The following COL5A2 variants were observed in gnomAD, a reference collection of about 807,000 sequenced individuals.
The protein encoded by COL5A2 is collagen alpha-2(V) chain.
COL5A2 carries 23 observed loss-of-function variants against 208.2 expected under a neutral mutation model. The observed-to-expected ratio is 0.11, with a 90% confidence interval of 0.08 to 0.16. The LOEUF (loss-of-function observed/expected upper bound fraction) is 0.16, where lower values mean the gene tolerates loss of function less well. Ranked by LOEUF, COL5A2 falls within the 10% of genes least tolerant of loss-of-function variation. COL5A2 has a pLI of 1.00. For synonymous variants in COL5A2, 625 were observed against 628.5 expected, an observed-to-expected ratio of 0.99 and a Z score of 0.08; for missense variants, 1,590 against 1,956.4, an observed-to-expected ratio of 0.81 and a Z score of 3.53.
chr2:189,132,831 G>A (rs938603811), intron 1 of COL5A2, among the ~76,000 whole-genome samples: 11 of 151,826 alleles, frequency 7.2e-5, no homozygotes, highest in Non-Finnish European at 1.5e-4. Flanking sequence ...TGAGGCAGGA[G>A]AATCGCTTGA....
At chr2:189,246,268 T>C in the COL5A2 span, among the ~76,000 whole-genome samples, 1 of 152,200 alleles carries the variant, frequency 6.6e-6, no homozygotes, top group African/African-American at 2.4e-5. Context: ...GATATCTTTG[T>C]TTCACAGAAC....
chr2:189,151,001 G>A (rs2105786938), intron 1 of COL5A2, among the ~76,000 whole-genome samples: 1 of 152,236 alleles, frequency 6.6e-6, no homozygotes, highest in East Asian at 1.9e-4. Context: ...GCATAAATAT[G>A]GAGGACAGTA....
chr2:189,416,380 C>T, the COL5A2 span, among the ~76,000 whole-genome samples: 3 of 152,110 alleles, frequency 2.0e-5, no homozygotes, highest in Non-Finnish European at 4.4e-5. Context: ...ACTATGCAGC[C>T]ATAAAAAATG....
chr2:189,231,041 G>A, the COL5A2 span, among the ~76,000 whole-genome samples: 1 of 151,878 alleles, frequency 6.6e-6, no homozygotes, highest in South Asian at 2.1e-4. Context: ...GATGAATCTT[G>A]GAGACATTAT....
chr2:189,144,719 C>T (rs2105778117), intron 1 of COL5A2, among the ~76,000 whole-genome samples: 1 of 152,102 alleles, frequency 6.6e-6, no homozygotes, highest in South Asian at 2.1e-4. Flanking sequence ...TAATGTGAAA[C>T]ACCAGATGCA....
chr2:189,161,740 A>G (rs1426978519), intron 1 of COL5A2, among the ~76,000 whole-genome samples: 1 of 152,200 alleles, frequency 6.6e-6, no homozygotes, highest in Non-Finnish European at 1.5e-5. Context: ...GGTTTGAGAG[A>G]TGGTCTTTAC....
chr2:189,117,732 CTTT>C (rs5837127), intron 1 of COL5A2, among the ~76,000 whole-genome samples: 116,359 of 150,828 alleles, frequency 0.77, 48,149 homozygotes, highest in South Asian at 0.91. Flanking sequence ...AATTCTTACT[CTTT>C]TTTTTTTTTC....
the COL5A2 span, among the ~76,000 whole-genome samples, chr2:189,271,562 G>A: frequency 6.6e-6 from 1 of 152,116 alleles, no homozygotes; most frequent in Non-Finnish European, 1.5e-5. Flanking sequence ...AACCCCAGAA[G>A]AAAACCTAGA....
intron 2 of COL5A2, among the ~76,000 whole-genome samples, chr2:189,107,483 T>C (rs554207175): frequency 6.6e-6 from 1 of 151,614 alleles, no homozygotes; most frequent in Admixed American, 6.6e-5. Flanking sequence ...ATGTTTTGGA[T>C]TTACATATTA....
chr2:189,037,111 C>T (rs1685459961), intron 51 of COL5A2, among the ~76,000 whole-genome samples: 1 of 151,994 alleles, frequency 6.6e-6, no homozygotes, highest in Admixed American at 6.6e-5. Context: ...TAGTAAGCGG[C>T]TTTACCAAAA....
At chr2:189,115,113 CACA>C (rs1233603190) in intron 1 of COL5A2, among the ~76,000 whole-genome samples, 1 of 152,042 alleles carries the variant, frequency 6.6e-6, no homozygotes, top group Non-Finnish European at 1.5e-5. Flanking sequence ...AAGTCATTCC[CACA>C]ACAATTGTGG....
chr2:189,135,782 T>C (rs903661622), intron 1 of COL5A2, among the ~76,000 whole-genome samples: 6 of 152,236 alleles, frequency 3.9e-5, no homozygotes, highest in African/African-American at 1.4e-4. Context: ...CTTACATTCA[T>C]TGAATACTTA....
chr2:189,047,940 T>C (rs1025034337), intron 45 of COL5A2, among the ~76,000 whole-genome samples: 2 of 152,240 alleles, frequency 1.3e-5, no homozygotes, highest in African/African-American at 4.8e-5. Context: ...ACACTTCATA[T>C]ATATCCTCAT....
the COL5A2 span, among the ~76,000 whole-genome samples, chr2:189,423,234 C>G: frequency 7.2e-5 from 11 of 151,738 alleles, no homozygotes; most frequent in Admixed American, 2.0e-4. Flanking sequence ...TGGGATATAA[C>G]AAAAGCAGTT....
Position 189,050,223 on chromosome 2 carries a change from G to T in COL5A2, c.3039+346C>A, listed in dbSNP as rs111950874. Among the ~76,000 whole-genome samples the T allele has an allele frequency of 7.7e-4, 117 of 152,038 alleles. 1 individual carries two copies. The highest frequency in any genetic ancestry group is 2.7e-3 in the African/African-American group (111 of 41,476). The stretch of plus-strand genomic sequence containing the variant: ...CTGTAAAATATGGTATTTTTGTTAA[G>T]CATGTTTACTTAAAAAGACACTACC... On this transcript the variant is annotated intron_variant, in intron 43 of 53. Transcript: ENST00000374866.
At chr2:189,302,518 C>T in the COL5A2 span, among the ~76,000 whole-genome samples, 2 of 152,136 alleles carry the variant, frequency 1.3e-5, no homozygotes, top group Non-Finnish European at 1.5e-5. Context: ...TCTTGCCCAA[C>T]AACCCTGATC....
chr2:189,101,366 A>T (rs1687043077), intron 3 of COL5A2, among the ~76,000 whole-genome samples: 1 of 152,094 alleles, frequency 6.6e-6, no homozygotes, highest in Non-Finnish European at 1.5e-5. Flanking sequence ...CACCCCGGAG[A>T]TAACCACTGT....
intron 1 of COL5A2, among the ~76,000 whole-genome samples, chr2:189,173,543 C>G (rs1414905624): frequency 6.6e-6 from 1 of 152,096 alleles, no homozygotes; most frequent in Non-Finnish European, 1.5e-5. Flanking sequence ...TTGAATATCA[C>G]AGCTCATTCA....
chr2:189,274,164 T>C, the COL5A2 span, among the ~76,000 whole-genome samples: 1 of 152,138 alleles, frequency 6.6e-6, no homozygotes, highest in Non-Finnish European at 1.5e-5. Context: ...GATAGATACT[T>C]CCTAAGATTG....
Sources: gnomAD v4.1 joint callset for allele counts (sites outside exome capture counted in the v4.1 genomes callset) on GRCh38, gnomAD v4.1.1 for gene constraint, MANE v1.5 for transcripts, NCBI Gene and HGNC (gene_info 2026-07-23, HGNC 2026-07-21) for gene names.